The following ADCY10 variants were observed in gnomAD, a reference collection of about 807,000 sequenced individuals.
The protein encoded by ADCY10 is adenylate cyclase type 10.
Under a neutral mutation model 183.3 loss-of-function variants are expected in ADCY10, and 156 were observed. That is an observed-to-expected ratio of 0.85 (90% CI 0.75 to 0.97). The LOEUF (loss-of-function observed/expected upper bound fraction) is 0.97. Among genes scored for constraint, ADCY10 ranks in the 50% least tolerant of loss-of-function variants. ADCY10 has a pLI of 0.00. For missense variants in ADCY10, 1,745 were observed against 1,934.3 expected, an observed-to-expected ratio of 0.90 and a Z score of 1.84; for synonymous variants, 645 against 670.0, an observed-to-expected ratio of 0.96 and a Z score of 0.58.
At chr1:167,880,237 T>C in intron 10 of ADCY10, 46 bp from the exon 11 acceptor site, 1 of 1,511,808 alleles carries the variant, frequency 6.6e-7, no homozygotes, top group Non-Finnish European at 9.1e-7. Flanking sequence ...ATAAAGATAA[T>C]GAGCGTAGAG....
chr1:167,854,301 G>T lies in ADCY10; in HGVS notation c.2308+52C>A, dbSNP rs1571310887. ...ATTTTTGCTACCTTCTCTGAATGAA[G>T]ACTTAAGTTAGGCAGAACAGAGTAA... On this transcript the variant is annotated intron_variant, in intron 18 of 32. Transcript: ENST00000367851. 2.5e-6 allele frequency: 4 copies of T among 1,612,472 alleles called. No individual in the cohort carries two copies. In the East Asian group the frequency reaches 8.9e-5, roughly 36 times the overall value.
intron 2 of ADCY10, 87 bp from the exon 3 acceptor site, chr1:167,904,078 T>C: frequency 1.5e-5 from 8 of 525,228 alleles, no homozygotes; most frequent in Non-Finnish European, 2.7e-5. Context: ...GCAGCGGGCC[T>C]CAGCTTTTTT....
intron 14 of ADCY10, among the ~76,000 whole-genome samples, chr1:167,863,377 C>T (rs12567648): frequency 0.18 from 27,773 of 152,084 alleles, 3,107 homozygotes; most frequent in East Asian, 0.4. Context: ...TCACGTACCC[C>T]CTGGCTTACT....
chr1:167,899,423 C>T lies in ADCY10; in HGVS notation c.642G>A (p.Lys214=). The change falls in exon 6 of 33, where the codon AAG becomes AAA. Residue 214 remains lysine (K), a splice_region_variant and synonymous_variant. Transcript: ENST00000367851. ...IESVPDQRAV[K]VNFLKPPPNF... ...CTGTAAGTAGCAGCATCACACCCAC[C>T]TTAACTGCTCTCTGATCTGGAACAC... 6.2e-7 allele frequency: 1 copy of T among 1,614,224 alleles called. No homozygotes were observed. The highest frequency in any genetic ancestry group is 8.5e-7 in the Non-Finnish European group (1 of 1,180,020).
chr1:167,863,286 G>A (rs1666420862), intron 14 of ADCY10, among the ~76,000 whole-genome samples: 2 of 152,140 alleles, frequency 1.3e-5, no homozygotes, highest in Non-Finnish European at 2.9e-5. Context: ...ACATTGTATG[G>A]AAGGGCATTG....
intron 12 of ADCY10, among the ~76,000 whole-genome samples, chr1:167,876,661 A>C (rs1295415612): frequency 6.6e-6 from 1 of 152,180 alleles, no homozygotes; most frequent in East Asian, 1.9e-4. Context: ...AAAATCATGA[A>C]GAGTACAGGC....
At chr1:167,820,500 A>G (rs957287253) in intron 30 of ADCY10, 3 of 387,892 alleles carry the variant, frequency 7.7e-6, no homozygotes, top group African/African-American at 2.1e-5. Context: ...GCTGAGATAG[A>G]CAAGAAAAAT....
At chr1:167,841,122 T>G (rs1239075901) in intron 21 of ADCY10, among the ~76,000 whole-genome samples, 2 of 151,874 alleles carry the variant, frequency 1.3e-5, no homozygotes, top group Admixed American at 6.6e-5. Flanking sequence ...TTTGTATTTT[T>G]TGTAGAGGGA....
Position 167,809,488 on chromosome 1 carries a change from GGAA to G in ADCY10, c.*187_*189del, listed in dbSNP as rs1662064909. The G allele has an allele frequency of 1.6e-6, 1 of 640,936 alleles. No individual in the cohort carries two copies. Among genetic ancestry groups the G allele is most frequent in the Non-Finnish European group, 2.7e-6 (1 of 377,332 alleles). 39.7% of individuals were successfully genotyped at this position (640,936 alleles called of 1,614,324 possible). ...GTAAAAGCAATTTTTTGTAACATTAGGAAGAAGTAAACCATGACACTCCTGACC... is the reference window on the plus strand; with the variant it reads ...GTAAAAGCAATTTTTTGTAACATTAGGAAGTAAACCATGACACTCCTGACC... On this transcript the variant is annotated 3_prime_UTR_variant, in exon 33 of 33. Transcript: ENST00000367851.
rs533650760 is a variant in ADCY10 at position 167,809,979 on chromosome 1, A to C, written c.4672-140T>G. 1.5e-4 allele frequency: 117 copies of C among 790,056 alleles called. No individual in the cohort carries two copies. In the South Asian group the frequency reaches 1.6e-3, roughly 11 times the overall value. 48.9% of individuals were successfully genotyped at this position (790,056 alleles called of 1,614,324 possible). ...TAGACAAAAACGAATCTTGCTGTCCAAACTAGGATACTGACACAGCCCTCT... is the reference window on the plus strand; with the variant it reads ...TAGACAAAAACGAATCTTGCTGTCCCAACTAGGATACTGACACAGCCCTCT... On this transcript the variant is annotated intron_variant, in intron 32 of 32. Coordinates refer to ENST00000367851, the MANE Select transcript of ADCY10 (RefSeq NM_018417.6).
intron 6 of ADCY10, among the ~76,000 whole-genome samples, chr1:167,897,304 T>C (rs1350589655): frequency 2.8e-5 from 4 of 145,158 alleles, no homozygotes; most frequent in South Asian, 2.2e-4. Context: ...TGGGTAACAA[T>C]GGTGAAATCC....
chr1:167,831,414 G>A (rs1053362014), intron 25 of ADCY10, among the ~76,000 whole-genome samples: 5 of 152,050 alleles, frequency 3.3e-5, no homozygotes, highest in Admixed American at 6.6e-5. Flanking sequence ...GACTGGTCTC[G>A]AACTCCCAAC....
At chr1:167,875,892 G>T (rs1472447396) in intron 12 of ADCY10, among the ~76,000 whole-genome samples, 3 of 152,098 alleles carry the variant, frequency 2.0e-5, no homozygotes, top group Non-Finnish European at 2.9e-5. Context: ...GGGGGAGCTT[G>T]CAGTGAGCCG....
chr1:167,904,053 G>T, intron 2 of ADCY10, 62 bp from the exon 3 acceptor site: 1 of 1,064,146 alleles, frequency 9.4e-7, no homozygotes. Context: ...AGCCAGAAGA[G>T]GACTACCCTG....
chr1:167,829,601 T>G (rs1420963853), intron 25 of ADCY10, among the ~76,000 whole-genome samples, 178 bp from the exon 26 acceptor site: 2 of 152,244 alleles, frequency 1.3e-5, no homozygotes, highest in Non-Finnish European at 2.9e-5. Context: ...CACATTTTCT[T>G]CATTGTAAAA....
chr1:167,913,214 G>A (rs994099984), intron 1 of ADCY10, among the ~76,000 whole-genome samples: 2 of 152,134 alleles, frequency 1.3e-5, no homozygotes, highest in African/African-American at 4.8e-5. Flanking sequence ...AATGAGGCCC[G>A]AAAGATAAAC....
At chr1:167,878,376 A>G in intron 12 of ADCY10, 70 bp downstream of exon 12, 2 of 1,534,706 alleles carry the variant, frequency 1.3e-6, no homozygotes, top group Non-Finnish European at 1.8e-6. Context: ...TAAATGGGTG[A>G]CTGCTTTGCT....
intron 23 of ADCY10, 148 bp downstream of exon 23, chr1:167,836,161 C>T: frequency 1.4e-6 from 1 of 702,400 alleles, no homozygotes; most frequent in Non-Finnish European, 2.6e-6. Flanking sequence ...GATCATTTCC[C>T]TTCTAAGCAA....
intron 16 of ADCY10, 110 bp from the exon 17 acceptor site, chr1:167,856,549 C>A: frequency 9.4e-7 from 1 of 1,063,498 alleles, no homozygotes. Flanking sequence ...GCTTATGATG[C>A]AGCGAAAGAA....
Sources: allele counts gnomAD v4.1 joint callset (sites outside exome capture counted in the v4.1 genomes callset), GRCh38; gene constraint gnomAD v4.1.1; transcripts MANE v1.5; gene names NCBI Gene and HGNC (gene_info 2026-07-23, HGNC 2026-07-21).